The following TYK2 variants were observed in gnomAD, a reference collection of about 807,000 sequenced individuals.
TYK2 encodes the protein tyrosine kinase 2.
A neutral mutation model predicts 130.9 loss-of-function variants in TYK2; 65 were observed. That is an observed-to-expected ratio of 0.50 (90% CI 0.41 to 0.61). The LOEUF is 0.61. Among genes scored for constraint, TYK2 ranks in the 20% least tolerant of loss-of-function variants. TYK2 has a pLI of 0.00. For synonymous variants in TYK2, 647 were observed against 658.9 expected, an observed-to-expected ratio of 0.98 and a Z score of 0.28; for missense variants, 1,378 against 1,610.7, an observed-to-expected ratio of 0.86 and a Z score of 2.47.
chr19:10,362,443 A>G lies in TYK2; in HGVS notation c.1490T>C (p.Met497Thr), dbSNP rs780231093. The change falls in exon 11 of 25, where the codon ATG becomes ACG. Residue 497 changes from methionine (M) to threonine (T), a missense_variant. Physicochemically the swap from Met to Thr is moderately conservative, Grantham distance 81 (BLOSUM62 -1). Transcript: ENST00000525621. ...GAACTTTCGGAGCCGCAAGCTCTGCATGCCGTCTGGTGCCTGGCAGGAGGT... is the reference window on the plus strand; with the variant it reads ...GAACTTTCGGAGCCGCAAGCTCTGCGTGCCGTCTGGTGCCTGGCAGGAGGT... ...VAQRSQAPDG[M>T]QSLRLRKFPI... The G allele has an allele frequency of 3.1e-6, 5 of 1,603,872 alleles. No homozygotes were observed. The South Asian group carries it at 5.6e-5, about 18-fold the overall frequency.
At chr19:10,368,529 C>T in intron 3 of TYK2, 111 bp from the exon 4 acceptor site, 1 of 1,518,410 alleles carries the variant, frequency 6.6e-7, no homozygotes, top group Non-Finnish European at 9.0e-7. Context: ...CCCCCTCCCC[C>T]ACCTGCAGCT....
At position 10,357,825 on chromosome 19, in the gene TYK2, G is replaced by A. The variant is rs779936481; in HGVS notation, c.2405C>T (p.Ala802Val). 1 of 1,613,586 alleles carries A rather than the reference G, an allele frequency of 6.2e-7. No individual in the cohort carries two copies. The highest frequency in any genetic ancestry group is 8.5e-7 in the Non-Finnish European group (1 of 1,179,976). Residue 802 changes from alanine to valine, a missense_variant, in exon 17 of 25, where the codon GCC becomes GTC. Coordinates refer to ENST00000525621, the MANE Select transcript of TYK2 (RefSeq NM_003331.5). ...GTCAAAGCAGATCTCCAGGAGGGTG[G>A]CGCCAAACCCCCACTTGTCCATGGC... The part of the protein sequence containing the change: ...STAMDKWGFG[A>V]TLLEICFDGE...
At chr19:10,357,489 C>G in intron 17 of TYK2, 1 of 704,996 alleles carries the variant, frequency 1.4e-6, no homozygotes, top group Non-Finnish European at 2.6e-6. Context: ...CACTCTGCAG[C>G]CTGGGCGTCT....
chr19:10,368,740 G>A (rs2041785146), intron 3 of TYK2: 2 of 372,174 alleles, frequency 5.4e-6, no homozygotes, highest in Middle Eastern at 8.9e-4. Context: ...GTATGATGAA[G>A]GCTTCTTGTG....
rs745432501 is a variant in TYK2 at position 10,364,585 on chromosome 19, GCCCCCA to G, written c.1367+23_1367+28del. ...AGTCTAGTTGGCACCCTTGGCGGTG[GCCCCCA>G]GCGCCCCCCACCCAGCACTCACAGC... is the stretch of plus-strand genomic sequence containing the variant. On this transcript the variant is annotated intron_variant, in intron 9 of 24. Coordinates refer to ENST00000525621, the MANE Select transcript of TYK2 (RefSeq NM_003331.5). This position sits in a 1 kb window ranked among gnomAD's most constrained non-coding sequence, Gnocchi z 4.9. 1 of 1,612,644 alleles carries G rather than the reference GCCCCCA, an allele frequency of 6.2e-7. No homozygotes were observed. The highest frequency in any genetic ancestry group is 1.1e-5 in the South Asian group (1 of 91,062).
chr19:10,376,011 T>TTTC (rs1486012914), intron 3 of TYK2, among the ~76,000 whole-genome samples: 2 of 149,548 alleles, frequency 1.3e-5, no homozygotes, highest in African/African-American at 4.9e-5. Context: ...TTCTTTCTTT[T>TTTC]TTTTTTTTTT....
chr19:10,358,503 G>A lies in TYK2; in HGVS notation c.2176-365C>T, dbSNP rs12720297. ...TCTAGCTATGCTGCTGCCCAGGCTG[G>A]GGTGCAGTGGTGTGATCATAGCTTA... On this transcript the variant is annotated intron_variant, in intron 15 of 24. Coordinates refer to ENST00000525621, the MANE Select transcript of TYK2 (RefSeq NM_003331.5). Among the ~76,000 whole-genome samples the A allele has an allele frequency of 2.8e-3, 425 of 151,922 alleles. 2 individuals are homozygous for A. Among genetic ancestry groups the A allele is most frequent in the African/African-American group, 8.8e-3 (363 of 41,442 alleles).
At chr19:10,371,273 C>T (rs1247186340) in intron 3 of TYK2, among the ~76,000 whole-genome samples, 3 of 151,742 alleles carry the variant, frequency 2.0e-5, no homozygotes, top group Non-Finnish European at 4.4e-5. Flanking sequence ...GCTGGGATTA[C>T]AGGCATAAGC....
rs1163439249 is a variant in TYK2, at chr19:10,364,292, C to T, written c.1367+322G>A. Among the ~76,000 whole-genome samples, 2 of 152,086 alleles carry T rather than the reference C, an allele frequency of 1.3e-5. No homozygotes were observed. Among genetic ancestry groups the T allele is most frequent in the Non-Finnish European group, 2.9e-5 (2 of 68,022 alleles). Reference sequence around the variant, plus strand: ...TTGGGAGGCCGAGGCGGGTGGATCACCTGAGGTCAGGAGTTCAAGACTAGG... The same window carrying T: ...TTGGGAGGCCGAGGCGGGTGGATCATCTGAGGTCAGGAGTTCAAGACTAGG... On this transcript the variant is annotated intron_variant, in intron 9 of 24. Coordinates refer to ENST00000525621, the MANE Select transcript of TYK2 (RefSeq NM_003331.5). This position sits in a 1 kb window ranked among gnomAD's most constrained non-coding sequence, Gnocchi z 4.9.
At position 10,350,848 on chromosome 19, in the gene TYK2, A is replaced by G; in HGVS notation, c.3550T>C (p.Phe1184Leu). 6.2e-7 allele frequency: 1 copy of G among 1,613,698 alleles called. No homozygotes were observed. Among genetic ancestry groups the G allele is most frequent in the South Asian group, 1.1e-5 (1 of 91,056 alleles). The change falls in exon 25 of 25, where the codon TTC (phenylalanine) becomes CTC (leucine). Residue 1184 changes from phenylalanine to leucine, a missense_variant. Coordinates refer to ENST00000525621, the MANE Select transcript of TYK2 (RefSeq NM_003331.5). ...EKYQGQAPSV[F>L]SVC ...GCCATTGTGCCTCAGCACACGCTGA[A>G]CACTGAAGGGGCCTGGCCTTGGTAC...
chr19:10,360,515 G>C (rs1366408057), intron 14 of TYK2, among the ~76,000 whole-genome samples: 1 of 151,992 alleles, frequency 6.6e-6, no homozygotes, highest in South Asian at 2.1e-4. Flanking sequence ...AAGAGATAAA[G>C]GTGAGCCTAC....
chr19:10,353,261 G>T lies in TYK2; in HGVS notation c.3028-163C>A. The stretch of plus-strand genomic sequence containing the variant: ...GGCACGTGGCACCAAGCAAAAGGAG[G>T]CTGAGCCAGAAAGCAGGGACGGGGC... On this transcript the variant is annotated intron_variant, in intron 21 of 24. Coordinates refer to ENST00000525621, the MANE Select transcript of TYK2 (RefSeq NM_003331.5). This position sits in a 1 kb window ranked among gnomAD's most constrained non-coding sequence, Gnocchi z 6.9. 3 of 624,584 alleles carry T rather than the reference G, an allele frequency of 4.8e-6. No homozygotes were observed. Among genetic ancestry groups the T allele is most frequent in the East Asian group, 6.1e-5 (2 of 33,020 alleles). The allele number at this position is 624,584 out of a possible 1,614,324, so 38.7% of individuals were successfully genotyped here. A position where few individuals can be genotyped will look rare whatever the true frequency, so the allele number is the denominator to read the frequency against.
At chr19:10,374,584 C>CAAAA (rs1278364077) in intron 3 of TYK2, among the ~76,000 whole-genome samples, 6 of 50,112 alleles carry the variant, frequency 1.2e-4, no homozygotes, top group African/African-American at 2.3e-4. Context: ...GACTCCGTCT[C>CAAAA]AAAAAAAAAA....
At position 10,378,198 on chromosome 19, in the gene TYK2, A is replaced by G. The variant is rs1238431956; in HGVS notation, c.193+16T>C. On this transcript the variant is annotated intron_variant, in intron 3 of 24. Coordinates refer to ENST00000525621, the MANE Select transcript of TYK2 (RefSeq NM_003331.5). ...CACCCACCCCAGTCCCCATGGTGCC[A>G]ACGCCCCAGACTCACCAACTTTATG... The G allele has an allele frequency of 1.9e-6, 3 of 1,612,338 alleles. No individual in the cohort carries two copies. Among genetic ancestry groups the G allele is most frequent in the Admixed American group, 1.7e-5 (1 of 59,958 alleles).
At chr19:10,377,552 G>GCA (rs2042181679) in intron 3 of TYK2, among the ~76,000 whole-genome samples, 1 of 82,176 alleles carries the variant, frequency 1.2e-5, no homozygotes, top group African/African-American at 4.7e-5. Context: ...GGATGGGTGG[G>GCA]TGGGTGGATG....
At chr19:10,377,809 A>G (rs1317982013) in intron 3 of TYK2, among the ~76,000 whole-genome samples, 7 of 31,118 alleles carry the variant, frequency 2.2e-4, no homozygotes, top group South Asian at 1.5e-3. Flanking sequence ...TGGATGGATG[A>G]GTGGGTGGGT....
chr19:10,373,222 G>A (rs1045274765), intron 3 of TYK2, among the ~76,000 whole-genome samples: 20 of 151,964 alleles, frequency 1.3e-4, no homozygotes, highest in African/African-American at 3.6e-4. Flanking sequence ...ATTTTCAGTA[G>A]AGATGGGGTT....
chr19:10,354,261 T>C, intron 19 of TYK2, 27 bp from the exon 20 acceptor site: 1 of 1,607,212 alleles, frequency 6.2e-7, no homozygotes, highest in South Asian at 1.1e-5. Flanking sequence ...GAGGGTCAGC[T>C]CCACCTCCCC....
Position 10,362,290 on chromosome 19 carries a change from C to T in TYK2, c.1643G>A (p.Arg548His), listed in dbSNP as rs746253617. ...LRAGDDCFSL[R>H]RCCLPQPGET... ...TCCTGGTTGGGGCAGGCAACAGCGA[C>T]GCAGAGAGAAGCAGTCATCCCCGGC... The change falls in exon 11 of 25, where the codon CGT becomes CAT. Residue 548 changes from arginine to histidine, a missense_variant. Transcript: ENST00000525621. 1.4e-5 allele frequency: 23 copies of T among 1,614,038 alleles called. No homozygotes were observed. Among genetic ancestry groups the T allele is most frequent in the Non-Finnish European group, 1.1e-5 (13 of 1,180,026 alleles).
Sources: allele counts gnomAD v4.1 joint callset (sites outside exome capture counted in the v4.1 genomes callset), GRCh38; gene constraint gnomAD v4.1.1; non-coding constraint Gnocchi (gnomAD v3.1); transcripts MANE v1.5; gene names NCBI Gene and HGNC (gene_info 2026-07-23, HGNC 2026-07-21).